The following DCP1B variants were observed in gnomAD, a reference collection of about 807,000 sequenced individuals.
The protein encoded by DCP1B is decapping mRNA 1B, also known as mRNA-decapping enzyme 1B.
A neutral mutation model predicts 60.5 loss-of-function variants in DCP1B; 47 were observed. The ratio of observed to expected loss-of-function variants is 0.78; its 90% CI spans 0.61 to 0.99. The LOEUF (loss-of-function observed/expected upper bound fraction) is 0.99, where lower values mean the gene tolerates loss of function less well. Ranked by LOEUF, DCP1B falls within the 50% of genes least tolerant of loss-of-function variation. The pLI, the probability that DCP1B is intolerant of heterozygous loss-of-function variation, is 0.00. For missense variants in DCP1B, 725 were observed against 756.8 expected (o/e 0.96, Z 0.49); for synonymous variants, 267 against 280.3 (o/e 0.95, Z 0.47).
chr12:1,967,516 C>G (rs892959863), intron 4 of DCP1B, among the ~76,000 whole-genome samples: 2 of 152,208 alleles, frequency 1.3e-5, no homozygotes, highest in Non-Finnish European at 2.9e-5. Context: ...TTTTTACCAA[C>G]AGGCATATTG....
intron 1 of DCP1B, among the ~76,000 whole-genome samples, chr12:1,999,015 C>G (rs1249308731): frequency 2.6e-5 from 4 of 152,254 alleles, no homozygotes; most frequent in Admixed American, 2.6e-4. Context: ...CATGCTCAGG[C>G]AATTTCAGCA....
Position 2,004,287 on chromosome 12 carries a change from C to G in DCP1B, c.145G>C (p.Glu49Gln), listed in dbSNP as rs1158640341. The G allele has an allele frequency of 6.2e-7, 1 of 1,613,156 alleles. No individual in the cohort carries two copies. The highest frequency in any genetic ancestry group is 8.5e-7 in the Non-Finnish European group (1 of 1,179,880). ...ALYTFGHRAN[E>Q]WEKTDVEGTL... ...TCCGCCGCGTCCGCACGCACCCACT[C>G]GTTGGCCCGATGGCCGAAGGTGTAC... The change falls in exon 1 of 9, where the codon GAG becomes CAG. Residue 49 changes from glutamate to glutamine, a missense_variant. Coordinates refer to ENST00000280665, the MANE Select transcript of DCP1B (RefSeq NM_152640.5).
intron 5 of DCP1B, among the ~76,000 whole-genome samples, chr12:1,959,731 G>A (rs138863050): frequency 0.015 from 2,354 of 152,230 alleles, 69 homozygotes; most frequent in African/African-American, 0.051. Context: ...AGGCTGAGGC[G>A]GGCGGATCAC....
downstream of DCP1B, among the ~76,000 whole-genome samples, chr12:1,942,021 C>T (rs755529741): frequency 2.0e-4 from 30 of 152,110 alleles, no homozygotes; most frequent in East Asian, 7.7e-4. Context: ...CAAGACCCAT[C>T]GGTGTGCTGT....
chr12:1,968,928 T>C (rs1048292563), intron 3 of DCP1B, among the ~76,000 whole-genome samples: 1 of 152,340 alleles, frequency 6.6e-6, no homozygotes, highest in East Asian at 1.9e-4. Flanking sequence ...TGCCTATCTA[T>C]ATCATTTTTA....
At position 1,971,821 on chromosome 12, in the gene DCP1B, GTTCTT is replaced by G. The variant is rs763298388; in HGVS notation, c.320-3916_320-3912del. On this transcript the variant is annotated intron_variant, in intron 3 of 8. Coordinates refer to ENST00000280665, the MANE Select transcript of DCP1B (RefSeq NM_152640.5). The surrounding 1 kb of genome is among the most constrained non-coding windows in gnomAD (Gnocchi z 4.2). ...CCTAATAAATATTTCTGTTTGATCT[GTTCTT>G]TTAAGATATTTATAATTTGTTTTAT... Among the ~76,000 whole-genome samples, 17 of 152,094 alleles carry G rather than the reference GTTCTT, an allele frequency of 1.1e-4. No homozygotes were observed. Among genetic ancestry groups the G allele is most frequent in the Non-Finnish European group, 2.1e-4 (14 of 68,004 alleles).
chr12:1,978,483 T>G (rs1181523573), intron 3 of DCP1B, among the ~76,000 whole-genome samples: 2 of 152,214 alleles, frequency 1.3e-5, no homozygotes, highest in African/African-American at 4.8e-5. Context: ...AAATTTTCAT[T>G]TATTTAAATA....
At chr12:1,950,499 T>G (rs2030627307) in intron 7 of DCP1B, 1 of 685,466 alleles carries the variant, frequency 1.5e-6, no homozygotes, top group South Asian at 1.5e-5. Flanking sequence ...ACAATAACAC[T>G]GAAATGAGGG....
At chr12:1,954,666 C>T (rs1033180645) in intron 6 of DCP1B, among the ~76,000 whole-genome samples, 4 of 152,022 alleles carry the variant, frequency 2.6e-5, no homozygotes, top group Non-Finnish European at 5.9e-5. Flanking sequence ...GAGCTCTCGG[C>T]GGCAGCTACC....
Position 1,952,491 on chromosome 12 carries a change from GCT to G in DCP1B, c.1447_1448del (p.Ser483LeufsTer110). ...ATTCCAAGGGTTTCCCTGTTCCAGAGCTCTGAGCGAGCACAGGAAACTTAGCG... is the reference window on the plus strand; with the variant it reads ...ATTCCAAGGGTTTCCCTGTTCCAGAGCTGAGCGAGCACAGGAAACTTAGCG... Reference protein sequence around the residue: ...LAAKFPVLAQSSGTGKPLESW... With the variant: ...LAAKFPVLAQXSGTGKPLESW... On this transcript the variant is annotated frameshift_variant, in exon 7 of 9. Transcript: ENST00000280665. LOFTEE classifies it high-confidence loss of function. The G allele has an allele frequency of 6.2e-7, 1 of 1,614,076 alleles. No individual in the cohort carries two copies.
intron 3 of DCP1B, among the ~76,000 whole-genome samples, chr12:1,986,320 A>G (rs1409632732): frequency 6.6e-6 from 1 of 152,124 alleles, no homozygotes; most frequent in Non-Finnish European, 1.5e-5. Flanking sequence ...CCTCCTCTAG[A>G]ATTGCTCCCA....
rs756411132 is a variant in DCP1B at position 1,952,503 on chromosome 12, C to G, written c.1437G>C (p.Val479=). The G allele has an allele frequency of 1.2e-6, 2 of 1,614,050 alleles. No homozygotes were observed. Among genetic ancestry groups the G allele is most frequent in the Non-Finnish European group, 1.7e-6 (2 of 1,180,034 alleles). Residue 479 remains valine (V), a synonymous_variant, in exon 7 of 9, where the codon GTG becomes GTC. Coordinates refer to ENST00000280665, the MANE Select transcript of DCP1B (RefSeq NM_152640.5). ...TCCCTGTTCCAGAGCTCTGAGCGAG[C>G]ACAGGAAACTTAGCGGCCAAGGCTG... ...NRPALAAKFP[V]LAQSSGTGKP...
intron 7 of DCP1B, chr12:1,950,105 G>T: frequency 1.9e-6 from 1 of 524,382 alleles, no homozygotes; most frequent in South Asian, 3.2e-5. Flanking sequence ...TTATTTATCA[G>T]CCTCCGAACT....
At chr12:1,970,092 G>A (rs1340933663) in intron 3 of DCP1B, among the ~76,000 whole-genome samples, 1 of 152,136 alleles carries the variant, frequency 6.6e-6, no homozygotes, top group African/African-American at 2.4e-5. Context: ...TTGACATAAG[G>A]AATTAGGCTT....
chr12:1,973,415 A>T (rs986751122), intron 3 of DCP1B, among the ~76,000 whole-genome samples: 3 of 151,984 alleles, frequency 2.0e-5, no homozygotes, highest in African/African-American at 7.3e-5. Flanking sequence ...AACAAACAAA[A>T]CTCTCTGAAT....
At chr12:1,965,519 T>A (rs1465721672) in intron 5 of DCP1B, 39 bp downstream of exon 5, 1 of 1,571,690 alleles carries the variant, frequency 6.4e-7, no homozygotes, top group Non-Finnish European at 8.6e-7. Flanking sequence ...ACTGCGGAAC[T>A]GAAGTGTGTA....
intron 3 of DCP1B, among the ~76,000 whole-genome samples, chr12:1,976,167 C>G (rs1178525951): frequency 6.6e-6 from 1 of 152,118 alleles, no homozygotes; most frequent in Non-Finnish European, 1.5e-5. Flanking sequence ...ACAAAAAAGT[C>G]ATTTTGGATT....
intron 3 of DCP1B, among the ~76,000 whole-genome samples, chr12:1,975,491 T>C (rs538636705): frequency 6.6e-6 from 1 of 152,220 alleles, no homozygotes; most frequent in African/African-American, 2.4e-5. Flanking sequence ...TTACTATAGA[T>C]AAAGGGTAGG....
At chr12:1,943,866 T>G (rs768293746), downstream of DCP1B, among the ~76,000 whole-genome samples, 1 of 152,204 alleles carries the variant, frequency 6.6e-6, no homozygotes, top group Non-Finnish European at 1.5e-5. Flanking sequence ...AGCATTCCCT[T>G]TGAAAACTGG....
Sources: allele counts gnomAD v4.1 joint callset (sites outside exome capture counted in the v4.1 genomes callset), GRCh38; gene constraint gnomAD v4.1.1; non-coding constraint Gnocchi (gnomAD v3.1); transcripts MANE v1.5; gene names NCBI Gene and HGNC (gene_info 2026-07-23, HGNC 2026-07-21).